EXO5: variants seen among roughly 807,000 people sequenced by gnomAD.
The protein encoded by EXO5 is exonuclease 5.
In EXO5, 11 loss-of-function variants were observed where a neutral mutation model predicts 17.8. The ratio of observed to expected loss-of-function variants is 0.62; its 90% CI spans 0.39 to 1.02. EXO5 has a LOEUF of 1.02. EXO5 is among the 50% of genes least tolerant of loss of function. The pLI, the probability that EXO5 is intolerant of heterozygous loss-of-function variation, is 0.00. For synonymous variants in EXO5, 147 were observed against 166.5 expected (o/e 0.88, Z 0.90); for missense variants, 364 against 434.8 (o/e 0.84, Z 1.45).
chr1:40,514,312 T>TA, intron 3 of EXO5: 1 of 367,214 alleles, frequency 2.7e-6, no homozygotes, highest in Non-Finnish European at 4.8e-6. Context: ...AAGAGATATA[T>TA]ATGGATATAT....
In EXO5 at chr1:40,515,507, T is replaced by G. The variant is rs778128514; in HGVS notation, c.963T>G (p.His321Gln). 6.2e-7 allele frequency: 1 copy of G among 1,613,454 alleles called. No individual in the cohort carries two copies. The highest frequency in any genetic ancestry group is 2.2e-5 in the East Asian group (1 of 44,818). Residue 321 changes from histidine (H) to glutamine (Q), a missense_variant, in exon 4 of 4, where the codon CAT becomes CAG. Physicochemically the swap from His to Gln is conservative, Grantham distance 24. Coordinates refer to ENST00000415550, the MANE Select transcript of EXO5 (RefSeq NM_001346953.2). ...AGGAGGTGAGAGCCAAGGTGCAGCA[T>G]TATATGGCCTACTGGATGGGCCACC... ...KEKEVRAKVQHYMAYWMGHRE... is the reference protein window; with the variant it reads ...KEKEVRAKVQQYMAYWMGHRE...
Position 40,514,767 on chromosome 1 carries a change from A to G in EXO5, c.223A>G (p.Arg75Gly), listed in dbSNP as rs1645847716. Residue 75 changes from arginine to glycine, a missense_variant, in exon 4 of 4, where the codon AGA becomes GGA. Transcript: ENST00000415550. ...RGLDILSPME[R>G]FHLKYLYVTD... is the part of the protein sequence containing the mutation. ...ATTGGATATATTATCACCCATGGAG[A>G]GATTCCACCTTAAATATTTATATGT... The G allele has an allele frequency of 6.2e-7, 1 of 1,614,186 alleles. No individual in the cohort carries two copies. Among genetic ancestry groups the G allele is most frequent in the Non-Finnish European group, 8.5e-7 (1 of 1,180,028 alleles).
intron 3 of EXO5, among the ~76,000 whole-genome samples, chr1:40,514,237 G>A (rs993252121): frequency 6.0e-5 from 9 of 150,846 alleles, no homozygotes; most frequent in South Asian, 2.1e-4. Flanking sequence ...CCGAGATCGC[G>A]CAACTGCACT....
chr1:40,511,620 G>T (rs989907179), intron 3 of EXO5, among the ~76,000 whole-genome samples: 1 of 152,136 alleles, frequency 6.6e-6, no homozygotes, highest in East Asian at 1.9e-4. Context: ...CACTTCTTAC[G>T]CTTTGACATA....
At chr1:40,512,263 C>G (rs1234604341) in intron 3 of EXO5, among the ~76,000 whole-genome samples, 2 of 152,124 alleles carry the variant, frequency 1.3e-5, no homozygotes, top group Non-Finnish European at 2.9e-5. Context: ...TAAAGAAAAG[C>G]TATCTAGGAC....
rs1055402279 is a variant in EXO5 at position 40,508,786 on chromosome 1, T to A, written c.-386T>A. 2 of 152,166 alleles carry A rather than the reference T, an allele frequency of 1.3e-5. No homozygotes were observed. Among genetic ancestry groups the A allele is most frequent in the Non-Finnish European group, 2.9e-5 (2 of 68,084 alleles). The allele number at this position is 152,166 out of a possible 1,614,324, so 9.4% of individuals were successfully genotyped here. On this transcript the variant is annotated 5_prime_UTR_variant, in exon 1 of 4. Coordinates refer to ENST00000415550, the MANE Select transcript of EXO5 (RefSeq NM_001346953.2). The surrounding 1 kb of genome is among the most constrained non-coding windows in gnomAD (Gnocchi z 4.2). ...TTTTTTGCGAGTGGCGGGCCGACTGTGTAGTCCGCTCCGGCAGCGCGCTCT... is the reference window on the plus strand; with the variant it reads ...TTTTTTGCGAGTGGCGGGCCGACTGAGTAGTCCGCTCCGGCAGCGCGCTCT...
At chr1:40,510,320 A>G (rs1645750457) in intron 3 of EXO5, among the ~76,000 whole-genome samples, 2 of 152,162 alleles carry the variant, frequency 1.3e-5, no homozygotes, top group Admixed American at 1.3e-4. Context: ...TCCATGTGCT[A>G]TGTAAAATCG....
chr1:40,510,700 C>G (rs1249118939), intron 3 of EXO5, among the ~76,000 whole-genome samples: 1 of 152,192 alleles, frequency 6.6e-6, no homozygotes, highest in Non-Finnish European at 1.5e-5. Flanking sequence ...GTATCTGTGC[C>G]TTATCTGTAT....
Position 40,515,339 on chromosome 1 carries a change from G to A in EXO5, c.795G>A (p.Val265=), listed in dbSNP as rs758075399. 4 of 1,613,958 alleles carry A rather than the reference G, an allele frequency of 2.5e-6. No homozygotes were observed. In the Admixed American group the frequency reaches 6.7e-5, roughly 27 times the overall value. The change falls in exon 4 of 4, where the codon GTG becomes GTA. Residue 265 remains valine, a synonymous_variant. Coordinates refer to ENST00000415550, the MANE Select transcript of EXO5 (RefSeq NM_001346953.2). The part of the protein sequence containing the change: ...LRHAQQGGFS[V]KSLGDLMELV... ...ATGCCCAGCAGGGAGGCTTCTCTGT[G>A]AAGTCTTTGGGTGACCTCATGGAAC...
chr1:40,515,808 T>C lies in EXO5; in HGVS notation c.*142T>C. 1.2e-6 allele frequency: 1 copy of C among 836,250 alleles called. No individual in the cohort carries two copies. The highest frequency in any genetic ancestry group is 2.7e-5 in the East Asian group (1 of 37,446). The allele number at this position is 836,250 out of a possible 1,614,324, so 51.8% of individuals were successfully genotyped here. On this transcript the variant is annotated 3_prime_UTR_variant, in exon 4 of 4. Transcript: ENST00000415550. ...TTTATTTCCACAACCTCTAACCACA[T>C]TCAGTCCAGGACCAAGGCTCAGGGA...
At chr1:40,509,358 C>A (rs1645728765) in intron 1 of EXO5, 93 bp from the exon 2 acceptor site, 1 of 152,324 alleles carries the variant, frequency 6.6e-6, no homozygotes, top group African/African-American at 2.4e-5. Flanking sequence ...AGGTCTCTTG[C>A]TTGAGCTGCT....
Position 40,515,122 on chromosome 1 carries a change from A to G in EXO5, c.578A>G (p.Glu193Gly), listed in dbSNP as rs1292517583. 3.1e-6 allele frequency: 5 copies of G among 1,613,988 alleles called. No individual in the cohort carries two copies. Among genetic ancestry groups the G allele is most frequent in the African/African-American group, 2.7e-5 (2 of 74,888 alleles). The change falls in exon 4 of 4, where the codon GAG becomes GGG. Residue 193 changes from glutamate to glycine, a missense_variant. Coordinates refer to ENST00000415550, the MANE Select transcript of EXO5 (RefSeq NM_001346953.2). ...CACTATACAGCCAAGGGGGAACTGG[A>G]GCTGGCGGAACTCAAGACACGCAGG... Reference protein sequence around the residue: ...ELHYTAKGELELAELKTRRRP... With the variant: ...ELHYTAKGELGLAELKTRRRP...
At position 40,515,114 on chromosome 1, in the gene EXO5, G is replaced by A; in HGVS notation, c.570G>A (p.Gly190=). ...VIDELHYTAK[G]ELELAELKTR... is the part of the protein sequence containing the mutation. ...ATGAGCTGCACTATACAGCCAAGGG[G>A]GAACTGGAGCTGGCGGAACTCAAGA... Residue 190 remains glycine (G), a synonymous_variant, in exon 4 of 4, where the codon GGG becomes GGA. Transcript: ENST00000415550. 1.2e-6 allele frequency: 2 copies of A among 1,614,154 alleles called. No homozygotes were observed. Among genetic ancestry groups the A allele is most frequent in the East Asian group, 4.5e-5 (2 of 44,880 alleles).
At chr1:40,512,946 A>G (rs905920877) in intron 3 of EXO5, among the ~76,000 whole-genome samples, 4 of 152,188 alleles carry the variant, frequency 2.6e-5, no homozygotes, top group South Asian at 4.1e-4. Context: ...AAGTTGAAAG[A>G]AAAAAGGAGT....
intron 1 of EXO5, chr1:40,509,127 T>C (rs12068587): frequency 0.48 from 72,571 of 152,154 alleles, 18,754 homozygotes; most frequent in African/African-American, 0.66. Context: ...TCCCTGTTCT[T>C]ATTCCTGGCT....
chr1:40,515,342 G>C lies in EXO5; in HGVS notation c.798G>C (p.Lys266Asn), dbSNP rs1261169944. The C allele has an allele frequency of 1.2e-6, 2 of 1,614,138 alleles. No homozygotes were observed. Among genetic ancestry groups the C allele is most frequent in the African/African-American group, 1.3e-5 (1 of 75,036 alleles). The change falls in exon 4 of 4, where the codon AAG becomes AAC. Residue 266 changes from lysine (K) to asparagine (N), a missense_variant. Lys to Asn is a moderately conservative substitution (Grantham distance 94). Coordinates refer to ENST00000415550, the MANE Select transcript of EXO5 (RefSeq NM_001346953.2). Reference sequence around the variant, plus strand: ...CCCAGCAGGGAGGCTTCTCTGTGAAGTCTTTGGGTGACCTCATGGAACTTG... The same window carrying C: ...CCCAGCAGGGAGGCTTCTCTGTGAACTCTTTGGGTGACCTCATGGAACTTG... The part of the protein sequence containing the change: ...RHAQQGGFSV[K>N]SLGDLMELVF...
intron 1 of EXO5, chr1:40,509,112 A>T (rs1645721106): frequency 6.6e-6 from 1 of 152,170 alleles, no homozygotes; most frequent in African/African-American, 2.4e-5. Flanking sequence ...CCCGAGGTGG[A>T]CGGCTCCCTG....
chr1:40,515,078 T>TG lies in EXO5; in HGVS notation c.536dup (p.Val180SerfsTer3). The TG allele has an allele frequency of 6.2e-7, 1 of 1,613,992 alleles. No individual in the cohort carries two copies. Among genetic ancestry groups the TG allele is most frequent in the Non-Finnish European group, 8.5e-7 (1 of 1,179,960 alleles). The stretch of plus-strand genomic sequence containing the variant: ...GGGAAGGGGAGGGTGTACTTCTTGT[T>TG]GGAGTGATTGATGAGCTGCACTATA... On this transcript the variant is annotated frameshift_variant, in exon 4 of 4. Coordinates refer to ENST00000415550, the MANE Select transcript of EXO5 (RefSeq NM_001346953.2). LOFTEE classifies it high-confidence loss of function.
chr1:40,511,271 C>T (rs1050019558), intron 3 of EXO5, among the ~76,000 whole-genome samples: 1 of 151,860 alleles, frequency 6.6e-6, no homozygotes, highest in African/African-American at 2.4e-5. Flanking sequence ...AATAAATGCC[C>T]TTTAACTTTA....
Sources: gnomAD v4.1 joint callset for allele counts (sites outside exome capture counted in the v4.1 genomes callset) on GRCh38, gnomAD v4.1.1 for gene constraint, Gnocchi (gnomAD v3.1) non-coding constraint, MANE v1.5 for transcripts, NCBI Gene and HGNC (gene_info 2026-07-23, HGNC 2026-07-21) for gene names.